Variants in EYS observed in about 807,000 individuals in gnomAD.
The protein encoded by EYS is protein eyes shut homolog.
Under a neutral mutation model 282.1 loss-of-function variants are expected in EYS, and 250 were observed. That is an observed-to-expected ratio of 0.89 (90% CI 0.80 to 0.98). The LOEUF is 0.98. Ranked by LOEUF, EYS falls within the 50% of genes least tolerant of loss-of-function variation. The pLI, the probability that EYS is intolerant of heterozygous loss-of-function variation, is 0.00. For synonymous variants in EYS, 1,355 were observed against 1,282.9 expected, an observed-to-expected ratio of 1.06 and a Z score of -1.20; for missense variants, 4,016 against 3,709.0, an observed-to-expected ratio of 1.08 and a Z score of -2.15.
intron 39 of EYS, among the ~76,000 whole-genome samples, chr6:63,779,899 C>T (rs1200076333): frequency 3.9e-5 from 6 of 152,122 alleles, no homozygotes; most frequent in Non-Finnish European, 7.3e-5. Flanking sequence ...CCTCCGCACT[C>T]CCCCGACCCC....
chr6:64,601,734 A>G (rs987985261), intron 24 of EYS, among the ~76,000 whole-genome samples: 1 of 152,114 alleles, frequency 6.6e-6, no homozygotes, highest in Non-Finnish European at 1.5e-5. Context: ...AAAACTTGTT[A>G]GTATATATGT....
intron 11 of EYS, 76 bp from the exon 12 acceptor site, chr6:65,296,195 T>C: frequency 7.7e-7 from 1 of 1,304,312 alleles, no homozygotes; most frequent in East Asian, 2.6e-5. Context: ...AAATCACACA[T>C]TTATTTAAAA....
At chr6:64,964,921 C>T (rs1328828259) in intron 14 of EYS, among the ~76,000 whole-genome samples, 2 of 151,876 alleles carry the variant, frequency 1.3e-5, no homozygotes, top group Admixed American at 6.6e-5. Context: ...TAATCCCAGC[C>T]ACTCAGGAGG....
intron 5 of EYS, among the ~76,000 whole-genome samples, chr6:65,483,301 A>T (rs1765670725): frequency 6.6e-6 from 1 of 152,134 alleles, no homozygotes; most frequent in Admixed American, 6.5e-5. Flanking sequence ...GGCATGCTCT[A>T]CACCATATTT....
intron 13 of EYS, among the ~76,000 whole-genome samples, chr6:65,038,998 C>T (rs1772851140): frequency 6.6e-6 from 1 of 151,374 alleles, no homozygotes; most frequent in Non-Finnish European, 1.5e-5. Context: ...TAAATAGTAT[C>T]ATTGGTGAGC....
At chr6:65,587,766 G>T (rs1765104106) in intron 2 of EYS, among the ~76,000 whole-genome samples, 1 of 151,918 alleles carries the variant, frequency 6.6e-6, no homozygotes, top group African/African-American at 2.4e-5. Flanking sequence ...AAATAAAACA[G>T]CATATTATAT....
chr6:63,936,710 G>A (rs887937134), intron 35 of EYS, among the ~76,000 whole-genome samples: 2 of 152,176 alleles, frequency 1.3e-5, no homozygotes, highest in Non-Finnish European at 2.9e-5. Flanking sequence ...TCAGTTTCTT[G>A]ATTTGATACT....
At chr6:63,947,984 A>T (rs949817787) in intron 35 of EYS, among the ~76,000 whole-genome samples, 1 of 152,242 alleles carries the variant, frequency 6.6e-6, no homozygotes, top group African/African-American at 2.4e-5. Context: ...CTCACATTAC[A>T]TTCTGCTGAG....
intron 13 of EYS, among the ~76,000 whole-genome samples, chr6:65,036,350 A>G (rs1438841856): frequency 6.6e-6 from 1 of 152,022 alleles, no homozygotes; most frequent in Admixed American, 6.6e-5. Flanking sequence ...TTAAACCCAT[A>G]AATGTATCAC....
At chr6:64,388,947 T>TC in intron 28 of EYS, 107 bp from the exon 29 acceptor site, 1 of 781,546 alleles carries the variant, frequency 1.3e-6, no homozygotes, top group Non-Finnish European at 1.8e-6. Context: ...AATAGATTAT[T>TC]TCACAATAAA....
intron 41 of EYS, among the ~76,000 whole-genome samples, chr6:63,734,336 A>T (rs1415390080): frequency 1.3e-5 from 2 of 152,114 alleles, no homozygotes; most frequent in African/African-American, 4.8e-5. Context: ...CTCTCTACAT[A>T]TTATGGCTAT....
chr6:64,336,424 C>T (rs924573749), intron 29 of EYS, among the ~76,000 whole-genome samples: 1 of 152,026 alleles, frequency 6.6e-6, no homozygotes, highest in Non-Finnish European at 1.5e-5. Flanking sequence ...AGGAAAATGT[C>T]ACAATCCTTA....
In EYS at chr6:64,158,503, T is replaced by C. The variant is rs145569528; in HGVS notation, c.6424+72089A>G. On this transcript the variant is annotated intron_variant, in intron 31 of 42. Coordinates refer to ENST00000503581, the MANE Select transcript of EYS (RefSeq NM_001142800.2). ...GTTGGAAGACTCTCAGTGATATGCATTGAATTAATTAGATAATCTGTCTCT... is the reference window on the plus strand; with the variant it reads ...GTTGGAAGACTCTCAGTGATATGCACTGAATTAATTAGATAATCTGTCTCT... 4.0e-3 allele frequency among the ~76,000 whole-genome samples: 608 copies of C among 152,312 alleles called. 3 individuals are homozygous for C. The highest frequency in any genetic ancestry group is 0.014 in the African/African-American group (563 of 41,554).
intron 12 of EYS, among the ~76,000 whole-genome samples, chr6:65,126,963 T>C (rs1295634469): frequency 6.6e-6 from 1 of 152,070 alleles, no homozygotes; most frequent in Non-Finnish European, 1.5e-5. Flanking sequence ...TTGTGATCCA[T>C]CACTCTGGAG....
chr6:64,950,489 G>GAAA (rs149140457), intron 14 of EYS, among the ~76,000 whole-genome samples: 1 of 151,218 alleles, frequency 6.6e-6, no homozygotes, highest in Non-Finnish European at 1.5e-5. Context: ...TTAGATAGTC[G>GAAA]AAAACAGTAA....
At chr6:64,417,398 C>G (rs1407793316) in intron 28 of EYS, among the ~76,000 whole-genome samples, 1 of 151,944 alleles carries the variant, frequency 6.6e-6, no homozygotes, top group Non-Finnish European at 1.5e-5. Context: ...TGCTTGTTTC[C>G]AGAAACTTGT....
At chr6:64,100,019 G>T (rs1369607952) in intron 31 of EYS, among the ~76,000 whole-genome samples, 2 of 152,072 alleles carry the variant, frequency 1.3e-5, no homozygotes, top group Non-Finnish European at 2.9e-5. Flanking sequence ...AACCGTCTCA[G>T]TTTTTTGTTT....
At chr6:65,181,840 A>C (rs2150233935) in intron 12 of EYS, among the ~76,000 whole-genome samples, 1 of 152,276 alleles carries the variant, frequency 6.6e-6, no homozygotes, top group African/African-American at 2.4e-5. Flanking sequence ...TGGATTAAGA[A>C]AATGTGTCAC....
At chr6:65,338,395 C>A (rs1028959740) in intron 10 of EYS, among the ~76,000 whole-genome samples, 2 of 150,954 alleles carry the variant, frequency 1.3e-5, no homozygotes, top group Non-Finnish European at 3.0e-5. Context: ...TTTGTGTATA[C>A]AGAGAATCAA....
Sources: gnomAD v4.1 joint callset for allele counts (sites outside exome capture counted in the v4.1 genomes callset) on GRCh38, gnomAD v4.1.1 for gene constraint, MANE v1.5 for transcripts, NCBI Gene and HGNC (gene_info 2026-07-23, HGNC 2026-07-21) for gene names.